MAP4K4: variants seen among roughly 807,000 people sequenced by gnomAD.
MAP4K4 encodes HPK/GCK-like kinase HGK.
Under a neutral mutation model 189.6 loss-of-function variants are expected in MAP4K4, and 38 were observed. The observed-to-expected ratio is 0.20, with a 90% CI of 0.15 to 0.26. MAP4K4 has a LOEUF of 0.26. Among genes scored for constraint, MAP4K4 ranks in the 10% least tolerant of loss-of-function variants. The pLI is 1.00. For missense variants in MAP4K4, 1,054 were observed against 1,726.9 expected (o/e 0.61, Z 6.91); for synonymous variants, 610 against 624.3 (o/e 0.98, Z 0.34).
chr2:101,733,205 G>T (rs2059201593), intron 2 of MAP4K4, among the ~76,000 whole-genome samples: 1 of 152,216 alleles, frequency 6.6e-6, no homozygotes. Context: ...CCCCAACCCT[G>T]CAGGGTACAC....
At chr2:101,807,531 A>G (rs1263700119) in intron 3 of MAP4K4, among the ~76,000 whole-genome samples, 1 of 152,174 alleles carries the variant, frequency 6.6e-6, no homozygotes, top group Non-Finnish European at 1.5e-5. Context: ...ACTGATGGTA[A>G]CCTACATGAC....
rs1359688715 is a variant in MAP4K4, at chr2:101,745,437, G to A, written c.124-45283G>A. Among the ~76,000 whole-genome samples, 9 of 43,480 alleles carry A rather than the reference G, an allele frequency of 2.1e-4. No homozygotes were observed. In the South Asian group the frequency reaches 5.9e-3, roughly 29 times the overall value. 28.5% of individuals were successfully genotyped at this position (43,480 alleles called of 152,430 possible). ...CATACAATTCAAGATTTGCCCCCAG[G>A]TAAAAAAAAAAAAAAAAAAAAGTAT... On this transcript the variant is annotated intron_variant, in intron 2 of 32. Coordinates refer to ENST00000324219, the Ensembl canonical transcript of MAP4K4.
intron 2 of MAP4K4, among the ~76,000 whole-genome samples, chr2:101,723,476 C>G (rs1459808891): frequency 6.6e-6 from 1 of 152,000 alleles, no homozygotes; most frequent in Non-Finnish European, 1.5e-5. Context: ...TGCTTTTTGC[C>G]CAACCTCTGG....
intron 3 of MAP4K4, among the ~76,000 whole-genome samples, chr2:101,816,146 C>G (rs774918672): frequency 8.5e-5 from 13 of 152,304 alleles, no homozygotes; most frequent in Non-Finnish European, 1.9e-4. Flanking sequence ...GCATGTGTTT[C>G]CCAACTCTCA....
chr2:101,864,781 C>T (rs2097768238), intron 17 of MAP4K4, 149 bp from the exon 18 acceptor site: 1 of 613,282 alleles, frequency 1.6e-6, no homozygotes, highest in Non-Finnish European at 2.9e-6. Flanking sequence ...CAGTGTAGGA[C>T]CAGGGAAGGA....
intron 2 of MAP4K4, among the ~76,000 whole-genome samples, chr2:101,724,180 A>G (rs1202605049): frequency 5.3e-5 from 8 of 152,198 alleles, no homozygotes; most frequent in Admixed American, 5.2e-4. Flanking sequence ...TGGACCCAGC[A>G]TTCCAGCCAA....
chr2:101,699,190 CAG>C (rs1467931719), intron 2 of MAP4K4, among the ~76,000 whole-genome samples: 2 of 152,132 alleles, frequency 1.3e-5, no homozygotes, highest in African/African-American at 4.8e-5. Flanking sequence ...ACAGAAATGA[CAG>C]AGAGCGAAGA....
At chr2:101,745,284 A>T (rs2064721306) in intron 2 of MAP4K4, among the ~76,000 whole-genome samples, 1 of 151,006 alleles carries the variant, frequency 6.6e-6, no homozygotes, top group Admixed American at 6.6e-5. Context: ...ATTTCATATT[A>T]TAAAATAAAT....
chr2:101,738,236 T>A (rs1278401905), intron 2 of MAP4K4, among the ~76,000 whole-genome samples: 1 of 151,932 alleles, frequency 6.6e-6, no homozygotes, highest in Non-Finnish European at 1.5e-5. Context: ...CACCAAAGAG[T>A]ACCATATATG....
chr2:101,722,666 C>A (rs1399207507), intron 2 of MAP4K4, among the ~76,000 whole-genome samples: 1 of 152,144 alleles, frequency 6.6e-6, no homozygotes, highest in African/African-American at 2.4e-5. Context: ...TTTGTAAAGC[C>A]CTTATCTCAT....
intron 3 of MAP4K4, among the ~76,000 whole-genome samples, chr2:101,800,121 TAA>T (rs11377244): frequency 1.4e-5 from 2 of 144,964 alleles, no homozygotes; most frequent in Admixed American, 6.9e-5. Context: ...TTCTTCTCCT[TAA>T]AAAAAAAAAA....
chr2:101,721,774 G>C (rs561839392), intron 2 of MAP4K4, among the ~76,000 whole-genome samples: 42 of 152,278 alleles, frequency 2.8e-4, no homozygotes, highest in African/African-American at 9.1e-4. Context: ...CGACCCACCT[G>C]CTCAGAAGGA....
At chr2:101,770,050 C>T (rs1374718937) in intron 2 of MAP4K4, among the ~76,000 whole-genome samples, 1 of 152,120 alleles carries the variant, frequency 6.6e-6, no homozygotes, top group African/African-American at 2.4e-5. Flanking sequence ...ATTTCATAAA[C>T]ATTTACTAGG....
chr2:101,813,089 G>T (rs193039931), intron 3 of MAP4K4, among the ~76,000 whole-genome samples: 1 of 152,134 alleles, frequency 6.6e-6, no homozygotes, highest in East Asian at 1.9e-4. Flanking sequence ...AGATAGTGCC[G>T]GCCTGGGTGA....
intron 2 of MAP4K4, among the ~76,000 whole-genome samples, chr2:101,736,568 G>A (rs1255131832): frequency 6.6e-6 from 1 of 152,214 alleles, no homozygotes; most frequent in East Asian, 1.9e-4. Context: ...CTGGCATGTA[G>A]CTGATCCTTA....
At chr2:101,857,106 C>G (rs1282269172) in intron 13 of MAP4K4, among the ~76,000 whole-genome samples, 1 of 152,136 alleles carries the variant, frequency 6.6e-6, no homozygotes, top group East Asian at 1.9e-4. Flanking sequence ...AACATTCAAG[C>G]TTTTAAGAAT....
intron 2 of MAP4K4, among the ~76,000 whole-genome samples, chr2:101,776,547 T>C (rs1021111637): frequency 6.9e-6 from 1 of 145,364 alleles, no homozygotes; most frequent in African/African-American, 2.5e-5. Flanking sequence ...GAATGTTCAA[T>C]TAAAAAGACA....
intron 5 of MAP4K4, among the ~76,000 whole-genome samples, chr2:101,827,544 T>C (rs560416169): frequency 6.6e-5 from 10 of 152,286 alleles, no homozygotes; most frequent in Admixed American, 5.2e-4. Flanking sequence ...TGGCAAAACC[T>C]TTCCTCATTT....
chr2:101,734,370 G>A (rs1189520984), intron 2 of MAP4K4, among the ~76,000 whole-genome samples: 1 of 152,204 alleles, frequency 6.6e-6, no homozygotes, highest in African/African-American at 2.4e-5. Flanking sequence ...AAGTCTCACA[G>A]ATAAATCCAA....
Sources: gnomAD v4.1 joint callset for allele counts (sites outside exome capture counted in the v4.1 genomes callset) on GRCh38, gnomAD v4.1.1 for gene constraint, MANE v1.5 for transcripts, NCBI Gene and HGNC (gene_info 2026-07-23, HGNC 2026-07-21) for gene names.